Variants in AK6 observed in about 807,000 individuals in gnomAD.
The protein encoded by AK6 is adenylate kinase isoenzyme 6.
In AK6, 24 loss-of-function variants were observed where a neutral mutation model predicts 23.7. That is an observed-to-expected ratio of 1.01 (90% confidence interval 0.73 to 1.43). The LOEUF is 1.43. Ranked by LOEUF, AK6 falls within the 40% of genes most tolerant of loss-of-function variation. The probability of loss-of-function intolerance (pLI) is 0.00; values close to 1 mark genes in which losing one functional copy is unlikely to be tolerated. For synonymous variants in AK6, 73 were observed against 69.8 expected (o/e 1.05, Z -0.23); for missense variants, 191 against 199.1 (o/e 0.96, Z 0.24).
Position 69,364,651 on chromosome 5 carries a change from C to T in AK6, c.121+1852G>A, listed in dbSNP as rs896922503. On this transcript the variant is annotated intron_variant, in intron 2 of 4. Transcript: ENST00000380822. ...TAGTGGTCAAAAATAGACTGCAGTA[C>T]TGCAAATTGCTGCAACTGCCAACTG... 1.0e-5 allele frequency: 5 copies of T among 500,480 alleles called. No individual in the cohort carries two copies. In the Admixed American group the frequency reaches 1.7e-4, roughly 17 times the overall value. 31.0% of individuals were successfully genotyped at this position (500,480 alleles called of 1,614,324 possible).
chr5:69,352,479 C>A (rs187236783), intron 4 of AK6, among the ~76,000 whole-genome samples: 3 of 151,752 alleles, frequency 2.0e-5, no homozygotes, highest in Admixed American at 6.6e-5. Flanking sequence ...TGAATTTCCC[C>A]CCCCCACAAT....
At chr5:69,362,251 T>C (rs1020565949) in intron 2 of AK6, among the ~76,000 whole-genome samples, 2 of 152,018 alleles carry the variant, frequency 1.3e-5, no homozygotes, top group African/African-American at 2.4e-5. Flanking sequence ...ACAGGATCTT[T>C]AGTAGAATCC....
upstream of AK6, chr5:69,369,773 C>T (rs1762802931): frequency 1.4e-6 from 2 of 1,454,210 alleles, no homozygotes; most frequent in African/African-American, 1.4e-5. Flanking sequence ...CGGTGGTCCC[C>T]GCCCTTCGCT....
In AK6 at chr5:69,369,226, A is replaced by ACCCCCCCCCCCCCCC. The variant is rs200123392; in HGVS notation, c.28+236_28+237insGGGGGGGGGGGGGGG. ...GAGCTGGATCTGCCGACCTCTCTCC[A>ACCCCCCCCCCCCCCC]CCCCCCCCCGCCCCCCCCCGGAGCC... On this transcript the variant is annotated intron_variant, in intron 1 of 4. Coordinates refer to ENST00000380822, the MANE Select transcript of AK6 (RefSeq NM_016283.5). The ACCCCCCCCCCCCCCC allele has an allele frequency of 1.2e-3, 148 of 124,554 alleles. 30 individuals are homozygous for ACCCCCCCCCCCCCCC. Among genetic ancestry groups the ACCCCCCCCCCCCCCC allele is most frequent in the South Asian group, 7.7e-3 (48 of 6,236 alleles). 7.7% of individuals were successfully genotyped at this position (124,554 alleles called of 1,614,324 possible). A position where few individuals can be genotyped will look rare whatever the true frequency, so the allele number is the denominator to read the frequency against.
intron 2 of AK6, among the ~76,000 whole-genome samples, chr5:69,360,362 G>T (rs1300417149): frequency 6.6e-6 from 1 of 152,180 alleles, no homozygotes. Context: ...GAGAGTGAAT[G>T]TGTATTTATA....
chr5:69,362,197 C>A (rs901643889), intron 2 of AK6, among the ~76,000 whole-genome samples: 2 of 151,988 alleles, frequency 1.3e-5, no homozygotes, highest in Admixed American at 6.6e-5. Flanking sequence ...CATTTTGAGT[C>A]TGGTAATTGT....
chr5:69,362,132 A>G (rs1265492127), intron 2 of AK6, among the ~76,000 whole-genome samples: 1 of 152,092 alleles, frequency 6.6e-6, no homozygotes, highest in Non-Finnish European at 1.5e-5. Flanking sequence ...TTTAGTGAGC[A>G]TCGGAATAAG....
At chr5:69,365,272 T>G (rs1217921880) in intron 2 of AK6, 1 of 1,614,242 alleles carries the variant, frequency 6.2e-7, no homozygotes, top group African/African-American at 1.3e-5. Flanking sequence ...GTACTTGGTC[T>G]GCTAGTAACT....
At chr5:69,369,557 A>G (rs1226612588), upstream of AK6, 1 of 1,608,828 alleles carries the variant, frequency 6.2e-7, no homozygotes, top group Non-Finnish European at 8.5e-7. Context: ...AGGAGCCGGA[A>G]GGGGCGGGCG....
intron 2 of AK6, among the ~76,000 whole-genome samples, chr5:69,362,144 C>A (rs1762258220): frequency 6.6e-6 from 1 of 151,860 alleles, no homozygotes; most frequent in Non-Finnish European, 1.5e-5. Context: ...CGGAATAAGC[C>A]TTATTTCTTT....
chr5:69,365,688 T>C (rs1422751520), intron 2 of AK6: 2 of 1,595,318 alleles, frequency 1.3e-6, no homozygotes, highest in East Asian at 2.2e-5. Flanking sequence ...TGCCATCATC[T>C]GTGCATCTTT....
chr5:69,365,712 G>T (rs573124907), intron 2 of AK6: 2 of 1,565,880 alleles, frequency 1.3e-6, no homozygotes, highest in Non-Finnish European at 1.7e-6. Context: ...CATGCTCTTG[G>T]GAGAAGCCGT....
intron 2 of AK6, chr5:69,364,919 CAT>C: frequency 3.8e-6 from 6 of 1,583,878 alleles, no homozygotes; most frequent in Non-Finnish European, 5.1e-6. Context: ...ACCAAGTATA[CAT>C]GTTACATTCA....
At chr5:69,358,392 G>A (rs1762136257) in intron 2 of AK6, among the ~76,000 whole-genome samples, 1 of 151,844 alleles carries the variant, frequency 6.6e-6, no homozygotes, top group Admixed American at 6.6e-5. Flanking sequence ...GTGGTGGCGG[G>A]TGCCTGTAAT....
At chr5:69,360,479 C>T (rs1051566599) in intron 2 of AK6, among the ~76,000 whole-genome samples, 2 of 152,128 alleles carry the variant, frequency 1.3e-5, no homozygotes, top group Non-Finnish European at 2.9e-5. Flanking sequence ...TGGGAACTAT[C>T]CAGATGGTTG....
At position 69,351,984 on chromosome 5, in the gene AK6, TACTG is replaced by T. The variant is rs1761959409; in HGVS notation, c.*73_*76del. 3 of 1,267,458 alleles carry T rather than the reference TACTG, an allele frequency of 2.4e-6. No homozygotes were observed. Among genetic ancestry groups the T allele is most frequent in the Admixed American group, 2.2e-5 (1 of 45,270 alleles). 78.5% of individuals were successfully genotyped at this position (1,267,458 alleles called of 1,614,324 possible). On this transcript the variant is annotated 3_prime_UTR_variant, in exon 5 of 5. Coordinates refer to ENST00000380822, the MANE Select transcript of AK6 (RefSeq NM_016283.5). ...CTGCAACATGATTTTAATAAAGTGT[TACTG>T]ACACTTGAACAATTTCTATGATGTC...
In AK6 at chr5:69,362,762, A is replaced by C. The variant is rs74624083; in HGVS notation, c.121+3741T>G. Among the ~76,000 whole-genome samples, 271 of 151,846 alleles carry C rather than the reference A, an allele frequency of 1.8e-3. 1 individual carries two copies. The highest frequency in any genetic ancestry group is 6.4e-3 in the African/African-American group (265 of 41,390). The stretch of plus-strand genomic sequence containing the variant: ...ACCCTGTCTCAAACAAACAAACAAA[A>C]AAACCCCACAAAGTACCTCCATCAA... On this transcript the variant is annotated intron_variant, in intron 2 of 4. Transcript: ENST00000380822.
Position 69,369,484 on chromosome 5 carries a change from G to A in AK6, c.7C>T (p.Leu3Phe), listed in dbSNP as rs1327105532. Residue 3 changes from leucine to phenylalanine, a missense_variant, in exon 1 of 5, where the codon CTT becomes TTT. Coordinates refer to ENST00000380822, the MANE Select transcript of AK6 (RefSeq NM_016283.5). ...TGACCGGTGAGCAGGATGTTCGGAAGCAACATGGTCCCCGCCGCGACGGCT... is the reference window on the plus strand; with the variant it reads ...TGACCGGTGAGCAGGATGTTCGGAAACAACATGGTCCCCGCCGCGACGGCT... ML[L>F]PNILLTGTPG... 1.9e-6 allele frequency: 3 copies of A among 1,611,386 alleles called. No homozygotes were observed. Among genetic ancestry groups the A allele is most frequent in the Middle Eastern group, 1.7e-4 (1 of 5,814 alleles).
At chr5:69,362,962 G>A (rs893527362) in intron 2 of AK6, among the ~76,000 whole-genome samples, 1 of 152,112 alleles carries the variant, frequency 6.6e-6, no homozygotes, top group Admixed American at 6.5e-5. Context: ...AGGTACAGTG[G>A]CTCTCGTCTG....
Sources: allele counts gnomAD v4.1 joint callset (sites outside exome capture counted in the v4.1 genomes callset), GRCh38; gene constraint gnomAD v4.1.1; transcripts MANE v1.5; gene names NCBI Gene and HGNC (gene_info 2026-07-23, HGNC 2026-07-21).